The following CSMD1 variants were observed in gnomAD, a reference collection of about 807,000 sequenced individuals.
CSMD1 encodes the protein CUB and Sushi multiple domains 1, also known as CUB and sushi domain-containing protein 1.
CSMD1 carries 213 observed loss-of-function variants against 417.5 expected under a neutral mutation model. The ratio of observed to expected loss-of-function variants is 0.51; its 90% confidence interval spans 0.46 to 0.57. The LOEUF (loss-of-function observed/expected upper bound fraction) is 0.57. CSMD1 is among the 20% of genes least tolerant of loss of function. The pLI is 0.00. For synonymous variants in CSMD1, 2,862 were observed against 1,736.8 expected, an observed-to-expected ratio of 1.65 and a Z score of -16.11; for missense variants, 6,923 against 4,529.7, an observed-to-expected ratio of 1.53 and a Z score of -15.17.
intron 3 of CSMD1, among the ~76,000 whole-genome samples, chr8:4,039,213 T>G (rs1797765364): frequency 6.6e-6 from 1 of 152,148 alleles, no homozygotes; most frequent in African/African-American, 2.4e-5. Context: ...AGGGTTTCTC[T>G]CCATTTCTCT....
intron 3 of CSMD1, among the ~76,000 whole-genome samples, chr8:4,291,043 G>A (rs1013429796): frequency 2.6e-5 from 4 of 152,136 alleles, no homozygotes; most frequent in Middle Eastern, 6.8e-3. Flanking sequence ...GTACCCTAGT[G>A]TAAAATATTA....
chr8:4,809,540 C>G (rs1218958272), intron 1 of CSMD1, among the ~76,000 whole-genome samples: 1 of 152,084 alleles, frequency 6.6e-6, no homozygotes, highest in Non-Finnish European at 1.5e-5. Flanking sequence ...AGTAAAGAGG[C>G]CTTAGGTTTA....
intron 3 of CSMD1, among the ~76,000 whole-genome samples, chr8:4,282,903 C>G (rs1296351674): frequency 6.6e-6 from 1 of 152,032 alleles, no homozygotes; most frequent in Non-Finnish European, 1.5e-5. Context: ...TTGAACTTAC[C>G]ACAGTTCATT....
At chr8:4,411,022 T>G (rs1585033512) in intron 3 of CSMD1, among the ~76,000 whole-genome samples, 1 of 152,190 alleles carries the variant, frequency 6.6e-6, no homozygotes, top group Non-Finnish European at 1.5e-5. Context: ...TTTGCATTCA[T>G]GCTTCCCGTT....
At chr8:3,005,180 A>C (rs1192575621) in intron 52 of CSMD1, among the ~76,000 whole-genome samples, 1 of 152,194 alleles carries the variant, frequency 6.6e-6, no homozygotes, top group East Asian at 1.9e-4. Flanking sequence ...GTGAAACTTC[A>C]GAACCATTGA....
intron 6 of CSMD1, among the ~76,000 whole-genome samples, chr8:3,725,906 C>T (rs1018866524): frequency 1.6e-4 from 25 of 152,172 alleles, no homozygotes; most frequent in African/African-American, 6.0e-4. Flanking sequence ...GGAGCCTACT[C>T]CTTCTTTCTT....
At chr8:4,517,858 C>T (rs753725367) in intron 2 of CSMD1, among the ~76,000 whole-genome samples, 13 of 152,096 alleles carry the variant, frequency 8.5e-5, no homozygotes, top group Admixed American at 8.5e-4. Context: ...AAAAGCCACA[C>T]GTATTTTGTA....
At chr8:4,806,874 G>A (rs1332412038) in intron 1 of CSMD1, among the ~76,000 whole-genome samples, 3 of 152,144 alleles carry the variant, frequency 2.0e-5, no homozygotes, top group Non-Finnish European at 4.4e-5. Flanking sequence ...CAGCCTGAAA[G>A]ATGGTCTTAC....
chr8:4,067,327 T>A (rs1023273346), intron 3 of CSMD1, among the ~76,000 whole-genome samples: 1 of 152,246 alleles, frequency 6.6e-6, no homozygotes. Flanking sequence ...AAGTAACGTT[T>A]TCAAGTAAGG....
At chr8:3,842,828 G>C (rs996298873) in intron 5 of CSMD1, among the ~76,000 whole-genome samples, 1 of 152,144 alleles carries the variant, frequency 6.6e-6, no homozygotes, top group African/African-American at 2.4e-5. Context: ...TACATTAGCA[G>C]ATGGCTGCTA....
chr8:4,341,434 A>G (rs1206228473), intron 3 of CSMD1, among the ~76,000 whole-genome samples: 5 of 152,146 alleles, frequency 3.3e-5, no homozygotes, highest in African/African-American at 1.2e-4. Flanking sequence ...GTTTGAAGAT[A>G]AGTTTACCTC....
intron 5 of CSMD1, among the ~76,000 whole-genome samples, chr8:3,915,020 G>C (rs1408419566): frequency 1.3e-5 from 2 of 152,122 alleles, no homozygotes; most frequent in Non-Finnish European, 2.9e-5. Flanking sequence ...TTCAGGATGA[G>C]GAGATTCTAC....
intron 5 of CSMD1, among the ~76,000 whole-genome samples, chr8:3,774,845 A>G (rs1320679433): frequency 3.3e-5 from 5 of 152,172 alleles, no homozygotes; most frequent in African/African-American, 9.7e-5. Context: ...TTCCAAGACT[A>G]CCAGTGGATG....
intron 2 of CSMD1, among the ~76,000 whole-genome samples, chr8:4,451,746 C>T (rs543792303): frequency 3.9e-5 from 6 of 151,920 alleles, no homozygotes; most frequent in East Asian, 3.9e-4. Context: ...AACAAGGCAT[C>T]GAATGATACA....
intron 3 of CSMD1, among the ~76,000 whole-genome samples, chr8:4,229,290 G>A (rs140473354): frequency 1.3e-3 from 205 of 152,260 alleles, no homozygotes; most frequent in Non-Finnish European, 1.8e-3. Flanking sequence ...TCATTCTTCA[G>A]TGGCTTGAGC....
chr8:4,607,193 C>T (rs568334135), intron 2 of CSMD1, among the ~76,000 whole-genome samples: 9 of 151,664 alleles, frequency 5.9e-5, no homozygotes, highest in East Asian at 3.9e-4. Context: ...TTGATAGTGT[C>T]GGCAGGAGTG....
chr8:4,348,673 C>G (rs907303685), intron 3 of CSMD1, among the ~76,000 whole-genome samples: 16 of 151,142 alleles, frequency 1.1e-4, no homozygotes, highest in East Asian at 7.9e-4. Context: ...GAGAGAGACT[C>G]TTTTGCGTAC....
intron 7 of CSMD1, among the ~76,000 whole-genome samples, chr8:3,681,744 G>A (rs1267949003): frequency 6.6e-6 from 1 of 152,082 alleles, no homozygotes; most frequent in African/African-American, 2.4e-5. Flanking sequence ...TCAATCCTAA[G>A]CCAAAAGAAC....
intron 3 of CSMD1, among the ~76,000 whole-genome samples, chr8:4,375,806 T>C (rs1001631707): frequency 1.3e-5 from 2 of 152,194 alleles, no homozygotes; most frequent in African/African-American, 2.4e-5. Flanking sequence ...TCATACATTT[T>C]TTAAGAGTTC....
Sources: gnomAD v4.1 joint callset for allele counts (sites outside exome capture counted in the v4.1 genomes callset) on GRCh38, gnomAD v4.1.1 for gene constraint, MANE v1.5 for transcripts, NCBI Gene and HGNC (gene_info 2026-07-23, HGNC 2026-07-21) for gene names.